ZNF618: variants seen among roughly 807,000 people sequenced by gnomAD.
The protein encoded by ZNF618 is zinc finger protein 618.
ZNF618 carries 34 observed loss-of-function variants against 103.0 expected under a neutral mutation model. That is an observed-to-expected ratio of 0.33 (90% CI 0.25 to 0.44). The LOEUF (loss-of-function observed/expected upper bound fraction) is 0.44. ZNF618 is among the 20% of genes least tolerant of loss of function. The probability of loss-of-function intolerance (pLI) is 1.00; values close to 1 mark genes in which losing one functional copy is unlikely to be tolerated. For missense variants in ZNF618, 1,059 were observed against 1,295.4 expected, an observed-to-expected ratio of 0.82 and a Z score of 2.80; for synonymous variants, 551 against 542.2, an observed-to-expected ratio of 1.02 and a Z score of -0.23.
chr9:114,017,942 A>G (rs781281031), intron 10 of ZNF618, among the ~76,000 whole-genome samples: 23 of 151,658 alleles, frequency 1.5e-4, no homozygotes, highest in Admixed American at 2.6e-4. Context: ...GTGGGTGAGA[A>G]CTCCAGTCCT....
At chr9:114,039,501 C>T (rs1276411335) in intron 13 of ZNF618, among the ~76,000 whole-genome samples, 3 of 152,132 alleles carry the variant, frequency 2.0e-5, no homozygotes, top group Non-Finnish European at 4.4e-5. Flanking sequence ...CAGGCATACA[C>T]CACCATGCTC....
At chr9:113,941,988 G>GT (rs955603882) in intron 1 of ZNF618, among the ~76,000 whole-genome samples, 1 of 152,202 alleles carries the variant, frequency 6.6e-6, no homozygotes, top group African/African-American at 2.4e-5. Flanking sequence ...GAAAAGGCAG[G>GT]TGAACAGCTC....
chr9:113,955,905 G>T (rs1836238200), intron 1 of ZNF618, among the ~76,000 whole-genome samples: 1 of 152,042 alleles, frequency 6.6e-6, no homozygotes, highest in African/African-American at 2.4e-5. Flanking sequence ...CGGAAGAAGG[G>T]TGCTTTGGGG....
Position 113,988,356 on chromosome 9 carries a change from T to G in ZNF618, c.113T>G (p.Val38Gly). 1.2e-6 allele frequency: 2 copies of G among 1,613,124 alleles called. No homozygotes were observed. The highest frequency in any genetic ancestry group is 1.7e-6 in the Non-Finnish European group (2 of 1,179,790). Residue 38 changes from valine to glycine, a missense_variant, in exon 3 of 15, where the codon GTG becomes GGG. Around this residue, in one of 6 missense-constraint regions of ZNF618, gnomAD observed 194 missense variants for 209.0 expected, o/e 0.93. Coordinates refer to ENST00000374126, the MANE Select transcript of ZNF618 (RefSeq NM_001318042.2). ...RLKRSQKSTK[V>G]EGPEPVPAEA... The stretch of plus-strand genomic sequence containing the variant: ...AAGCGCAGCCAGAAGAGCACCAAGG[T>G]GGAGGGCCCAGAGCCAGTGCCAGCC...
intron 2 of ZNF618, among the ~76,000 whole-genome samples, chr9:113,972,218 T>C (rs189764879): frequency 6.6e-6 from 1 of 152,226 alleles, no homozygotes; most frequent in East Asian, 1.9e-4. Flanking sequence ...TGGCTAATTT[T>C]TGCATCTTTT....
At chr9:113,977,516 T>C (rs529570470) in intron 2 of ZNF618, among the ~76,000 whole-genome samples, 2 of 152,264 alleles carry the variant, frequency 1.3e-5, no homozygotes, top group African/African-American at 4.8e-5. Context: ...GGATGGTCTT[T>C]GCAGGGTGGT....
intron 3 of ZNF618, among the ~76,000 whole-genome samples, chr9:113,995,016 T>G (rs994237673): frequency 2.6e-5 from 4 of 152,316 alleles, no homozygotes; most frequent in East Asian, 3.9e-4. Flanking sequence ...CTACCACTAT[T>G]TGATATCCAC....
chr9:113,920,514 G>A (rs1398730732), intron 1 of ZNF618, among the ~76,000 whole-genome samples: 2 of 151,250 alleles, frequency 1.3e-5, no homozygotes, highest in Non-Finnish European at 2.9e-5. Flanking sequence ...CGATTGTCCT[G>A]CCTCGGCCTC....
intron 2 of ZNF618, among the ~76,000 whole-genome samples, chr9:113,987,178 C>T (rs1427591076): frequency 3.9e-5 from 6 of 152,204 alleles, no homozygotes; most frequent in Admixed American, 1.3e-4. Flanking sequence ...CCCCACCTCA[C>T]AGACAACAGT....
At chr9:113,996,448 G>A (rs1458386637) in intron 3 of ZNF618, among the ~76,000 whole-genome samples, 1 of 152,164 alleles carries the variant, frequency 6.6e-6, no homozygotes, top group Non-Finnish European at 1.5e-5. Context: ...GGTGCAAAGG[G>A]TTGCTACCCC....
intron 1 of ZNF618, among the ~76,000 whole-genome samples, chr9:113,966,757 C>G (rs1300379302): frequency 1.3e-5 from 2 of 152,218 alleles, no homozygotes; most frequent in Non-Finnish European, 2.9e-5. Context: ...TCTCATCTGC[C>G]ACCATCTGAA....
chr9:114,020,095 A>G (rs962959217), intron 10 of ZNF618, among the ~76,000 whole-genome samples: 2 of 152,198 alleles, frequency 1.3e-5, no homozygotes, highest in Non-Finnish European at 2.9e-5. Context: ...TGTGTTGAAA[A>G]GATTATCTTT....
At chr9:113,968,014 G>A (rs866934109) in intron 1 of ZNF618, among the ~76,000 whole-genome samples, 5 of 152,066 alleles carry the variant, frequency 3.3e-5, no homozygotes, top group Non-Finnish European at 5.9e-5. Flanking sequence ...GCAACTTCTC[G>A]TAAGCACTCA....
chr9:114,000,793 C>T (rs963950715), intron 4 of ZNF618, among the ~76,000 whole-genome samples: 3 of 152,218 alleles, frequency 2.0e-5, no homozygotes, highest in African/African-American at 7.2e-5. Flanking sequence ...TCAGTCTTCA[C>T]ACCAACACAC....
rs74503945 is a variant in ZNF618, at chr9:113,916,774, C to A, written c.33+40361C>A. ...CACCCAACATGGTCCCTTAACACAT[C>A]TTCGTCTGGTGCTCAATCAGAAAAA... On this transcript the variant is annotated intron_variant, in intron 1 of 14. Coordinates refer to ENST00000374126, the MANE Select transcript of ZNF618 (RefSeq NM_001318042.2). Among the ~76,000 whole-genome samples the A allele has an allele frequency of 4.0e-3, 604 of 152,348 alleles. 25 individuals carry two copies. In the East Asian group the frequency reaches 0.1, roughly 26 times the overall value.
At chr9:113,990,872 G>A (rs1333452392) in intron 3 of ZNF618, among the ~76,000 whole-genome samples, 4 of 152,144 alleles carry the variant, frequency 2.6e-5, no homozygotes, top group African/African-American at 7.2e-5. Flanking sequence ...AGGGGCCTGC[G>A]CTGACGTTTC....
Position 114,049,227 on chromosome 9 carries a change from C to T in ZNF618, c.1925C>T (p.Ser642Leu), listed in dbSNP as rs141487834. Residue 642 changes from serine to leucine, a missense_variant, in exon 15 of 15, where the codon TCG (serine) becomes TTG (leucine). By Grantham distance (145) the Ser-to-Leu change is moderately radical. Transcript: ENST00000374126. ...CLRCSACALN[S>L]VVQSVLSKRT... is the part of the protein sequence containing the mutation. ...CGCTGCTCAGCCTGTGCCTTGAACT[C>T]GGTGGTGCAGAGCGTGCTGAGCAAG... 3.1e-4 allele frequency: 495 copies of T among 1,613,436 alleles called. 6 individuals are homozygous for T. In the East Asian group the frequency reaches 0.011, roughly 35 times the overall value.
chr9:113,909,706 C>T (rs1193416202), intron 1 of ZNF618, among the ~76,000 whole-genome samples: 1 of 152,086 alleles, frequency 6.6e-6, no homozygotes, highest in African/African-American at 2.4e-5. Context: ...GAGTCCAGCG[C>T]CTCCTGGCCT....
At chr9:114,014,036 G>C (rs1481088098) in intron 9 of ZNF618, among the ~76,000 whole-genome samples, 2 of 152,098 alleles carry the variant, frequency 1.3e-5, no homozygotes, top group Non-Finnish European at 2.9e-5. Flanking sequence ...TTAACAATTA[G>C]AGAAATATAT....
Sources: gnomAD v4.1 joint callset for allele counts (sites outside exome capture counted in the v4.1 genomes callset) on GRCh38, gnomAD v4.1.1 for gene constraint, gnomAD v4.1.1 regional missense constraint, MANE v1.5 for transcripts, NCBI Gene and HGNC (gene_info 2026-07-23, HGNC 2026-07-21) for gene names.